WDPCP: variants seen among roughly 807,000 people sequenced by gnomAD.
WDPCP encodes the protein WD repeat-containing and planar cell polarity effector protein fritz homolog.
A neutral mutation model predicts 93.1 loss-of-function variants in WDPCP; 71 were observed. That is an observed-to-expected ratio of 0.76 (90% CI 0.63 to 0.93). The LOEUF (loss-of-function observed/expected upper bound fraction) is 0.93, where lower values mean the gene tolerates loss of function less well. WDPCP is among the 40% of genes least tolerant of loss of function. The probability of loss-of-function intolerance (pLI) is 0.00; values close to 1 mark genes in which losing one functional copy is unlikely to be tolerated. For missense variants in WDPCP, 844 were observed against 887.4 expected, an observed-to-expected ratio of 0.95 and a Z score of 0.62; for synonymous variants, 315 against 315.0, an observed-to-expected ratio of 1.00 and a Z score of 0.00.
chr2:63,459,016 T>C (rs1265742056), intron 6 of WDPCP, among the ~76,000 whole-genome samples: 1 of 152,138 alleles, frequency 6.6e-6, no homozygotes, highest in Non-Finnish European at 1.5e-5. Context: ...CCACTTATTC[T>C]TCTATATGTA....
intron 1 of WDPCP, among the ~76,000 whole-genome samples, chr2:63,585,600 T>C (rs1044430865): frequency 1.3e-5 from 2 of 152,164 alleles, no homozygotes; most frequent in African/African-American, 2.4e-5. Flanking sequence ...TTTCTAAAAA[T>C]GTAGCTACTT....
chr2:63,597,877 ATATT>A, intron 3 of WDPCP: 1 of 180,420 alleles, frequency 5.5e-6, no homozygotes, highest in East Asian at 1.4e-4. Context: ...CTGCGTGGGA[ATATT>A]TATTTAGACA....
chr2:63,130,518 G>C (rs976264778), intron 17 of WDPCP, among the ~76,000 whole-genome samples: 2 of 152,084 alleles, frequency 1.3e-5, no homozygotes, highest in Non-Finnish European at 2.9e-5. Flanking sequence ...TAGCTTTGTA[G>C]TAAATTTTGA....
chr2:63,139,883 T>C (rs776884436), intron 17 of WDPCP, among the ~76,000 whole-genome samples: 140 of 152,236 alleles, frequency 9.2e-4, no homozygotes, highest in Non-Finnish European at 1.6e-4. Context: ...ATGAAATCTT[T>C]GCCTACGCCA....
At chr2:63,486,425 A>T in intron 4 of WDPCP, 117 bp downstream of exon 4, 1 of 837,334 alleles carries the variant, frequency 1.2e-6, no homozygotes, top group Non-Finnish European at 1.9e-6. Context: ...ATTCCTAAGT[A>T]ATAGGAATTT....
chr2:63,584,159 A>T (rs1388203320), intron 1 of WDPCP, among the ~76,000 whole-genome samples: 3 of 152,120 alleles, frequency 2.0e-5, no homozygotes, highest in African/African-American at 7.2e-5. Flanking sequence ...TGGCCTCAAA[A>T]TAAATAAATG....
chr2:63,751,769 G>A (rs1669886478), intron 2 of WDPCP: 4 of 608,348 alleles, frequency 6.6e-6, no homozygotes, highest in Middle Eastern at 3.5e-4. Context: ...GTTTGGCAAA[G>A]TATTGGCCTC....
intron 14 of WDPCP, among the ~76,000 whole-genome samples, chr2:63,246,788 A>G (rs1193076985): frequency 1.3e-5 from 2 of 152,218 alleles, no homozygotes; most frequent in African/African-American, 4.8e-5. Flanking sequence ...ATACCTTCAG[A>G]GTCCATCAGT....
rs537734198 is a variant in WDPCP at position 63,165,739 on chromosome 2, A to G, written c.2078+8931T>C. Among the ~76,000 whole-genome samples, 7 of 151,074 alleles carry G rather than the reference A, an allele frequency of 4.6e-5. 1 individual carries two copies. The South Asian group carries it at 1.5e-3, about 32-fold the overall frequency. ...AGTTTTCAAATTCATTTGCATAGAA[A>G]TTTGCGAAGTAGTCTCTTATGATTA... On this transcript the variant is annotated intron_variant, in intron 15 of 17. Transcript: ENST00000272321.
chr2:63,692,460 A>G (rs936819975), intron 2 of WDPCP, among the ~76,000 whole-genome samples: 1 of 152,202 alleles, frequency 6.6e-6, no homozygotes, highest in Non-Finnish European at 1.5e-5. Context: ...CTTCTACATC[A>G]AAATTTACCC....
chr2:63,354,459 G>A (rs539254117), intron 12 of WDPCP, among the ~76,000 whole-genome samples: 19 of 152,244 alleles, frequency 1.2e-4, no homozygotes, highest in South Asian at 1.0e-3. Flanking sequence ...ACTCAAGGGG[G>A]AAAGGAACCC....
At chr2:63,807,730 A>G (rs1670790526) in intron 2 of WDPCP, among the ~76,000 whole-genome samples, 1 of 152,188 alleles carries the variant, frequency 6.6e-6, no homozygotes, top group African/African-American at 2.4e-5. Context: ...AATTTGTCTC[A>G]CTTCTCAAAT....
chr2:63,578,968 T>C (rs186191091), intron 1 of WDPCP, among the ~76,000 whole-genome samples: 2 of 152,282 alleles, frequency 1.3e-5, no homozygotes, highest in Admixed American at 1.3e-4. Context: ...CCCTGAGGTC[T>C]TCCTAAGTGG....
intron 1 of WDPCP, among the ~76,000 whole-genome samples, chr2:63,574,014 C>A (rs1017313540): frequency 1.3e-5 from 2 of 152,182 alleles, no homozygotes; most frequent in African/African-American, 4.8e-5. Context: ...CTCTTAAACC[C>A]TGTCTCCTGA....
At chr2:63,307,810 C>T (rs1006030351) in intron 13 of WDPCP, among the ~76,000 whole-genome samples, 20 of 152,122 alleles carry the variant, frequency 1.3e-4, no homozygotes, top group African/African-American at 4.8e-4. Flanking sequence ...AGGACACAGG[C>T]ATGGGCAAAG....
chr2:63,478,276 G>A (rs1000742713), intron 6 of WDPCP, among the ~76,000 whole-genome samples: 3 of 151,928 alleles, frequency 2.0e-5, no homozygotes, highest in African/African-American at 7.3e-5. Flanking sequence ...GCACTAGACA[G>A]GTCATCAAGA....
chr2:63,406,807 T>C (rs1284366768), intron 9 of WDPCP, among the ~76,000 whole-genome samples: 2 of 152,162 alleles, frequency 1.3e-5, no homozygotes, highest in African/African-American at 4.8e-5. Context: ...ATGTACAGGG[T>C]AGACACTTGT....
intron 15 of WDPCP, among the ~76,000 whole-genome samples, chr2:63,162,738 A>G (rs1004361818): frequency 6.6e-6 from 1 of 152,180 alleles, no homozygotes; most frequent in Non-Finnish European, 1.5e-5. Context: ...TTTGAATGCA[A>G]CTTATGAAGT....
chr2:63,838,931 C>A, the WDPCP span, among the ~76,000 whole-genome samples: 2 of 152,074 alleles, frequency 1.3e-5, no homozygotes, highest in Non-Finnish European at 2.9e-5. Flanking sequence ...TAAATTTATA[C>A]CGATGTATAA....
Sources: gnomAD v4.1 joint callset for allele counts (sites outside exome capture counted in the v4.1 genomes callset) on GRCh38, gnomAD v4.1.1 for gene constraint, MANE v1.5 for transcripts, NCBI Gene and HGNC (gene_info 2026-07-23, HGNC 2026-07-21) for gene names.